UBR3: variants seen among roughly 807,000 people sequenced by gnomAD.
The protein encoded by UBR3 is ubiquitin protein ligase E3 component n-recognin 3, also known as E3 ubiquitin-protein ligase UBR3.
UBR3 carries 85 observed loss-of-function variants against 243.2 expected under a neutral mutation model. The observed-to-expected ratio is 0.35, with a 90% CI of 0.29 to 0.42. UBR3 has a LOEUF of 0.42. Among genes scored for constraint, UBR3 ranks in the 10% least tolerant of loss-of-function variants. The pLI is 1.00. For missense variants in UBR3, 1,686 were observed against 2,300.8 expected (o/e 0.73, Z 5.47); for synonymous variants, 748 against 799.8 (o/e 0.94, Z 1.09).
chr2:169,890,540 G>GAGAGAGAGAGAGAGATATATAT (rs1553504401), intron 5 of UBR3, among the ~76,000 whole-genome samples: 1 of 76,020 alleles, frequency 1.3e-5, no homozygotes, highest in African/African-American at 6.4e-5. Context: ...GAGAGAGAGA[G>GAGAGAGAGAGAGAGATATATAT]ATATATATAT....
intron 35 of UBR3, among the ~76,000 whole-genome samples, chr2:170,069,516 T>C (rs1009596797): frequency 2.0e-5 from 3 of 152,102 alleles, no homozygotes; most frequent in Non-Finnish European, 2.9e-5. Flanking sequence ...AATATAGTCA[T>C]CATGCTGTAC....
At chr2:169,939,439 T>G (rs2086486168) in intron 19 of UBR3, among the ~76,000 whole-genome samples, 1 of 150,384 alleles carries the variant, frequency 6.6e-6, no homozygotes, top group African/African-American at 2.4e-5. Context: ...TTTGTATTTT[T>G]TTTTTTTTTA....
intron 23 of UBR3, 34 bp from the exon 24 acceptor site, chr2:169,958,404 C>T: frequency 1.9e-6 from 3 of 1,599,782 alleles, no homozygotes; most frequent in Non-Finnish European, 2.6e-6. Flanking sequence ...TTAAGCGCAT[C>T]TGATACTTAA....
chr2:169,838,434 TGTGTGTGTGTGTGTC>T (rs2082185012), intron 1 of UBR3, among the ~76,000 whole-genome samples: 1 of 132,526 alleles, frequency 7.5e-6, no homozygotes, highest in Non-Finnish European at 1.7e-5. Context: ...TGTGTGTGTG[TGTGTGTGTGTGTGTC>T]TGGTGAGGCC....
At chr2:170,054,909 C>CCCTTT (rs1425440612) in intron 32 of UBR3, among the ~76,000 whole-genome samples, 3 of 152,182 alleles carry the variant, frequency 2.0e-5, no homozygotes, top group African/African-American at 7.2e-5. Flanking sequence ...AAAGAGAGCA[C>CCCTTT]CCTTTCCACT....
intron 1 of UBR3, among the ~76,000 whole-genome samples, chr2:169,866,608 C>T (rs552955703): frequency 6.6e-6 from 1 of 152,228 alleles, no homozygotes; most frequent in African/African-American, 2.4e-5. Context: ...AGTGATTCGC[C>T]CACCTCGGCC....
chr2:169,869,225 T>G (rs1206422020), intron 1 of UBR3, among the ~76,000 whole-genome samples: 6 of 140,086 alleles, frequency 4.3e-5, no homozygotes, highest in African/African-American at 1.3e-4. Context: ...GGTTTTTTTT[T>G]TTTTTTTTTT....
At chr2:169,999,934 C>G (rs2089634116) in intron 26 of UBR3, among the ~76,000 whole-genome samples, 1 of 152,030 alleles carries the variant, frequency 6.6e-6, no homozygotes, top group South Asian at 2.1e-4. Context: ...CGAGACCAGC[C>G]TGACCAACAT....
At chr2:169,896,291 GA>G (rs869094886) in intron 7 of UBR3, among the ~76,000 whole-genome samples, 28 of 150,984 alleles carry the variant, frequency 1.9e-4, no homozygotes, top group South Asian at 1.5e-3. Flanking sequence ...CGTTTTGGGG[GA>G]AAAAAATTTT....
chr2:170,016,379 G>A (rs1321696009), intron 30 of UBR3, among the ~76,000 whole-genome samples: 3 of 151,532 alleles, frequency 2.0e-5, no homozygotes, highest in African/African-American at 7.3e-5. Flanking sequence ...AATTTTGGAG[G>A]TTATTATTTT....
Position 169,924,094 on chromosome 2 carries a change from G to T in UBR3, c.1943G>T (p.Cys648Phe). 1.3e-6 allele frequency: 2 copies of T among 1,541,212 alleles called. No individual in the cohort carries two copies. Among genetic ancestry groups the T allele is most frequent in the Non-Finnish European group, 1.7e-6 (2 of 1,144,278 alleles). The change falls in exon 13 of 39, where the codon TGT becomes TTT. Residue 648 changes from cysteine to phenylalanine, a missense_variant. Transcript: ENST00000272793. ...TATTGTAATTTTTAGGCTGTGAAAT[G>T]TCAAGAACTAGATTTGGATTCTGTT... ...YAMFLSKAVK[C>F]QELDLDSVLP...
intron 24 of UBR3, among the ~76,000 whole-genome samples, chr2:169,963,571 T>C (rs2087676360): frequency 6.6e-6 from 1 of 152,146 alleles, no homozygotes; most frequent in Non-Finnish European, 1.5e-5. Context: ...CCTGTAATCT[T>C]GAGTTAAATA....
At chr2:170,071,500 G>T (rs532209356) in intron 35 of UBR3, among the ~76,000 whole-genome samples, 5 of 152,078 alleles carry the variant, frequency 3.3e-5, no homozygotes, top group Non-Finnish European at 5.9e-5. Flanking sequence ...ATTTTAGGGT[G>T]TGATGGAATT....
At position 170,081,996 on chromosome 2, in the gene UBR3, A is replaced by C. The variant is rs2091915747; in HGVS notation, c.*153A>C. 9 of 474,958 alleles carry C rather than the reference A, an allele frequency of 1.9e-5. No individual in the cohort carries two copies. Among genetic ancestry groups the C allele is most frequent in the Non-Finnish European group, 3.0e-5 (8 of 270,550 alleles). 29.4% of individuals were successfully genotyped at this position (474,958 alleles called of 1,614,324 possible). ...GCCTTTCCAAAATTAGGTGCTTGGT[A>C]ATCACGTTAATGGTATAATTTTTTT... On this transcript the variant is annotated 3_prime_UTR_variant, in exon 39 of 39. Transcript: ENST00000272793.
rs140061227 is a variant in UBR3 at position 169,933,629 on chromosome 2, T to C, written c.2663+621T>C. On this transcript the variant is annotated intron_variant, in intron 19 of 38. Coordinates refer to ENST00000272793, the MANE Select transcript of UBR3 (RefSeq NM_172070.4). ...TTATATTGCCAAATATCACAAGATATCATCTTTTACTTGTGCTTTCCTACA... is the reference window on the plus strand; with the variant it reads ...TTATATTGCCAAATATCACAAGATACCATCTTTTACTTGTGCTTTCCTACA... Among the ~76,000 whole-genome samples, 10 of 152,274 alleles carry C rather than the reference T, an allele frequency of 6.6e-5. No homozygotes were observed. The East Asian group carries it at 9.6e-4, about 15-fold the overall frequency.
intron 32 of UBR3, among the ~76,000 whole-genome samples, chr2:170,045,212 G>A (rs2091054724): frequency 6.6e-6 from 1 of 152,100 alleles, no homozygotes. Context: ...AGTGAAAGGG[G>A]TTTCCCTGCA....
intron 18 of UBR3, among the ~76,000 whole-genome samples, chr2:169,929,468 C>T (rs986869751): frequency 5.9e-5 from 9 of 151,964 alleles, no homozygotes; most frequent in East Asian, 1.9e-4. Flanking sequence ...CCCAGCTACT[C>T]GGGAGGCTGA....
chr2:169,989,367 C>T (rs1251024664), intron 25 of UBR3, among the ~76,000 whole-genome samples: 1 of 152,108 alleles, frequency 6.6e-6, no homozygotes, highest in Non-Finnish European at 1.5e-5. Flanking sequence ...CACTCTCCCT[C>T]TATCTTTACC....
In UBR3 at chr2:169,914,070, A is replaced by C; in HGVS notation, c.1790A>C (p.Glu597Ala). Residue 597 changes from glutamate (E) to alanine (A), a missense_variant, in exon 11 of 39, where the codon GAG (glutamate) becomes GCG (alanine). Glu to Ala is a moderately radical substitution (Grantham distance 107). This residue lies in a region of UBR3 where 346 missense variants were observed against 585.8 expected (regional missense o/e 0.59). Coordinates refer to ENST00000272793, the MANE Select transcript of UBR3 (RefSeq NM_172070.4). Reference sequence around the variant, plus strand: ...AACTTACTATTTTAGGAAACTCAAGAGTATACCCGAAATGTTGTTAGATAT... The same window carrying C: ...AACTTACTATTTTAGGAAACTCAAGCGTATACCCGAAATGTTGTTAGATAT... The part of the protein sequence containing the change: ...LSHCKVRETQ[E>A]YTRNVVRYCL... The C allele has an allele frequency of 1.3e-6, 2 of 1,483,318 alleles. No homozygotes were observed. Among genetic ancestry groups the C allele is most frequent in the Non-Finnish European group, 1.8e-6 (2 of 1,113,506 alleles). 91.9% of individuals were successfully genotyped at this position (1,483,318 alleles called of 1,614,324 possible). A position where few individuals can be genotyped will look rare whatever the true frequency, so the allele number is the denominator to read the frequency against.
Sources: gnomAD v4.1 joint callset for allele counts (sites outside exome capture counted in the v4.1 genomes callset) on GRCh38, gnomAD v4.1.1 for gene constraint, gnomAD v4.1.1 regional missense constraint, MANE v1.5 for transcripts, NCBI Gene and HGNC (gene_info 2026-07-23, HGNC 2026-07-21) for gene names.